Variants in NTRK3 observed in about 807,000 individuals in gnomAD.
The protein encoded by NTRK3 is neurotrophic receptor tyrosine kinase 3.
NTRK3 carries 24 observed loss-of-function variants against 91.7 expected under a neutral mutation model. That is an observed-to-expected ratio of 0.26 (90% confidence interval 0.19 to 0.37). The LOEUF (loss-of-function observed/expected upper bound fraction) is 0.37. NTRK3 is among the 10% of genes least tolerant of loss of function. The pLI, the probability that NTRK3 is intolerant of heterozygous loss-of-function variation, is 1.00. For synonymous variants in NTRK3, 483 were observed against 404.0 expected, an observed-to-expected ratio of 1.20 and a Z score of -2.34; for missense variants, 880 against 1,068.9, an observed-to-expected ratio of 0.82 and a Z score of 2.46.
chr15:87,910,933 T>A (rs186224602), intron 17 of NTRK3, among the ~76,000 whole-genome samples: 16 of 152,284 alleles, frequency 1.1e-4, no homozygotes, highest in African/African-American at 3.4e-4. Context: ...AAACTGCAGA[T>A]TCAATTCAGT....
intron 3 of NTRK3, among the ~76,000 whole-genome samples, chr15:88,221,896 A>G (rs146351281): frequency 0.033 from 5,067 of 152,318 alleles, 112 homozygotes; most frequent in Non-Finnish European, 0.053. Context: ...GGTCCCAACA[A>G]TATAAGATTA....
chr15:88,239,523 C>A (rs1413861066), intron 3 of NTRK3, among the ~76,000 whole-genome samples: 1 of 152,182 alleles, frequency 6.6e-6, no homozygotes, highest in Non-Finnish European at 1.5e-5. Flanking sequence ...GTGTTTTCAT[C>A]TCTCAACTAC....
At chr15:88,040,282 C>T (rs892445551) in intron 13 of NTRK3, among the ~76,000 whole-genome samples, 8 of 152,216 alleles carry the variant, frequency 5.3e-5, no homozygotes, top group African/African-American at 1.9e-4. Flanking sequence ...ACTGCAGTAG[C>T]ATGAACTTCC....
intron 16 of NTRK3, chr15:87,930,968 C>T (rs982903540): frequency 3.2e-5 from 9 of 285,208 alleles, no homozygotes; most frequent in Non-Finnish European, 5.6e-5. Context: ...TACTCACAGG[C>T]ATGCATTCCC....
At position 88,240,915 on chromosome 15, in the gene NTRK3, C is replaced by T. The variant is rs1427028049; in HGVS notation, c.248+14991G>A. On this transcript the variant is annotated intron_variant, in intron 3 of 18. Transcript: ENST00000394480. This position sits in a 1 kb window ranked among gnomAD's most constrained non-coding sequence, Gnocchi z 4.9. ...GTGGAGAGCAATGAGAATGGTGTGC[C>T]CAGCATTCTGCATGGAGGCATGTGT... Among the ~76,000 whole-genome samples, 1 of 152,202 alleles carries T rather than the reference C, an allele frequency of 6.6e-6. No individual in the cohort carries two copies. The highest frequency in any genetic ancestry group is 1.5e-5 in the Non-Finnish European group (1 of 68,038).
exon 16 of NTRK3, chr15:87,933,116 C>T (rs2141956262): frequency 1.2e-6 from 2 of 1,614,114 alleles, no homozygotes; most frequent in Non-Finnish European, 1.7e-6. Context: ...GCTCATGCTG[C>T]AGGTTGGTGA....
At position 87,929,147 on chromosome 15, in the gene NTRK3, G is replaced by C. The variant is rs769070828; in HGVS notation, c.2133+44C>G. On this transcript the variant is annotated intron_variant, in intron 17 of 18. Coordinates refer to ENST00000394480, the Ensembl canonical transcript of NTRK3. ...AATGAAAAAGACATGTAAGCAAGGC[G>C]CTAGCTCTGTGGCTGAGTCCTGCAG... 3.1e-6 allele frequency: 5 copies of C among 1,613,946 alleles called. No individual in the cohort carries two copies. In the South Asian group the frequency reaches 5.5e-5, roughly 18 times the overall value.
intron 5 of NTRK3, 42 bp downstream of exon 5, chr15:88,183,376 C>T (rs748118058): frequency 2.5e-6 from 4 of 1,600,122 alleles, no homozygotes; most frequent in South Asian, 1.1e-5. Context: ...CCCAAGAGTA[C>T]CTGCCATGTG....
chr15:87,885,653 C>G (rs1185604639), intron 17 of NTRK3, 41 bp downstream of exon 18: 1 of 1,077,810 alleles, frequency 9.3e-7, no homozygotes, highest in Non-Finnish European at 1.3e-6. Context: ...AGTGTTGGGA[C>G]AATGAACTAT....
intron 17 of NTRK3, among the ~76,000 whole-genome samples, chr15:87,904,153 C>CA: frequency 1.2e-5 from 1 of 86,290 alleles, no homozygotes; most frequent in Admixed American, 1.3e-4. Context: ...CTACAATAAG[C>CA]ATTTTTTTTT....
At chr15:88,029,601 G>A (rs2078349605) in intron 14 of NTRK3, among the ~76,000 whole-genome samples, 1 of 152,176 alleles carries the variant, frequency 6.6e-6, no homozygotes, top group Non-Finnish European at 1.5e-5. Context: ...TTTTAAATGG[G>A]ACAAAGAAGG....
chr15:87,997,245 C>A (rs1006673570), intron 14 of NTRK3, among the ~76,000 whole-genome samples: 1 of 152,186 alleles, frequency 6.6e-6, no homozygotes, highest in Non-Finnish European at 1.5e-5. Context: ...TGTCTGGCAA[C>A]AATTGGCATG....
At chr15:88,142,009 A>G (rs1267261632) in intron 6 of NTRK3, among the ~76,000 whole-genome samples, 2 of 152,244 alleles carry the variant, frequency 1.3e-5, no homozygotes, top group African/African-American at 4.8e-5. Flanking sequence ...CCAAGAGAAC[A>G]AGACACACAC....
chr15:88,083,292 C>A (rs2048219913), intron 13 of NTRK3, among the ~76,000 whole-genome samples: 2 of 152,162 alleles, frequency 1.3e-5, no homozygotes, highest in Non-Finnish European at 2.9e-5. Flanking sequence ...CCAATCTCGG[C>A]TCACTGCAAC....
At chr15:87,864,214 C>G in exon 19 of NTRK3, 1 of 232,636 alleles carries the variant, frequency 4.3e-6, no homozygotes, top group African/African-American at 2.2e-5. Flanking sequence ...CCCACATAAA[C>G]AAGAAGAGTT....
intron 13 of NTRK3, among the ~76,000 whole-genome samples, chr15:88,111,832 T>C (rs952977901): frequency 6.6e-6 from 1 of 152,142 alleles, no homozygotes; most frequent in Non-Finnish European, 1.5e-5. Context: ...ATGATACAAT[T>C]TGCTACTATT....
At chr15:88,079,661 ATT>A (rs1290764395) in intron 13 of NTRK3, among the ~76,000 whole-genome samples, 1 of 152,228 alleles carries the variant, frequency 6.6e-6, no homozygotes, top group African/African-American at 2.4e-5. Context: ...TGGACATGCC[ATT>A]TGACTCCAAA....
At chr15:88,016,126 A>G (rs1170605515) in intron 14 of NTRK3, among the ~76,000 whole-genome samples, 1 of 152,102 alleles carries the variant, frequency 6.6e-6, no homozygotes, top group Non-Finnish European at 1.5e-5. Flanking sequence ...GGCATTAGGG[A>G]TGATTCTTAT....
chr15:87,898,409 T>G (rs1201379128), intron 17 of NTRK3, among the ~76,000 whole-genome samples: 1 of 152,126 alleles, frequency 6.6e-6, no homozygotes, highest in Admixed American at 6.5e-5. Flanking sequence ...GTCTGGATCC[T>G]TGGATTCAGG....
Sources: gnomAD v4.1 joint callset for allele counts (sites outside exome capture counted in the v4.1 genomes callset) on GRCh38, gnomAD v4.1.1 for gene constraint, Gnocchi (gnomAD v3.1) non-coding constraint, MANE v1.5 for transcripts, NCBI Gene and HGNC (gene_info 2026-07-23, HGNC 2026-07-21) for gene names.